Variants in UGT1A7 observed in about 807,000 individuals in gnomAD.
The protein encoded by UGT1A7 is UDP glucuronosyltransferase family 1 member A7, also known as UDP-glucuronosyltransferase 1A7.
Under a neutral mutation model 45.6 loss-of-function variants are expected in UGT1A7, and 33 were observed. That is an observed-to-expected ratio of 0.72 (90% CI 0.55 to 0.97). The LOEUF (loss-of-function observed/expected upper bound fraction) is 0.97, where lower values mean the gene tolerates loss of function less well. UGT1A7 is among the 50% of genes least tolerant of loss of function. The probability of loss-of-function intolerance (pLI) is 0.00; values close to 1 mark genes in which losing one functional copy is unlikely to be tolerated. For missense variants in UGT1A7, 684 were observed against 666.2 expected (o/e 1.03, Z -0.29); for synonymous variants, 274 against 250.6 (o/e 1.09, Z -0.88).
At chr2:233,755,155 T>A (rs921927491) in intron 1 of UGT1A7, 1 of 1,293,270 alleles carries the variant, frequency 7.7e-7, no homozygotes, top group Non-Finnish European at 1.0e-6. Flanking sequence ...GCTTCCTCCC[T>A]GTCCTCGGGG....
In UGT1A7 at chr2:233,682,429, C is replaced by T. The variant is rs560254383; in HGVS notation, c.492C>T (p.Pro164=). 7.7e-5 allele frequency: 125 copies of T among 1,613,912 alleles called. No homozygotes were observed. In the South Asian group the frequency reaches 1.4e-3, roughly 17 times the overall value. ...TTGTTGCCAAATATTTCTCCCTCCC[C>T]TCTGTGGTCTTCGCCAGGGGAATAT... ...GLIVAKYFSL[P]SVVFARGIFC... Residue 164 remains proline, a synonymous_variant, in exon 1 of 5, where the codon CCC becomes CCT. Transcript: ENST00000373426.
intron 1 of UGT1A7, chr2:233,760,610 G>T (rs1389365341): frequency 1.2e-6 from 2 of 1,614,182 alleles, no homozygotes; most frequent in South Asian, 2.2e-5. Flanking sequence ...TTCCTGCAGC[G>T]TGTGATCAAA....
intron 1 of UGT1A7, chr2:233,713,284 A>T: frequency 6.2e-7 from 1 of 1,614,270 alleles, no homozygotes; most frequent in Non-Finnish European, 8.5e-7. Context: ...GGTCACACTC[A>T]ATCGTTCTTT....
chr2:233,690,453 T>C lies in UGT1A7; in HGVS notation c.855+7661T>C, dbSNP rs2074990875. ...CTTTGGGTCTCTCCTCTATTCAAAA[T>C]GCCAGCTATCCTCCATTTACTTTTT... On this transcript the variant is annotated intron_variant, in intron 1 of 4. Transcript: ENST00000373426. 3.1e-6 allele frequency: 4 copies of C among 1,287,960 alleles called. No homozygotes were observed. The South Asian group carries it at 5.0e-5, about 16-fold the overall frequency. 79.8% of individuals were successfully genotyped at this position (1,287,960 alleles called of 1,614,324 possible).
intron 1 of UGT1A7, among the ~76,000 whole-genome samples, chr2:233,687,872 CACTCCAG>C (rs1469681060): frequency 5.9e-5 from 9 of 152,200 alleles, no homozygotes; most frequent in African/African-American, 2.2e-4. Context: ...TATTCCACTC[CACTCCAG>C]CCTGGGTGAT....
chr2:233,762,781 ATCTAC>A (rs1211615114), intron 1 of UGT1A7, among the ~76,000 whole-genome samples: 2 of 150,458 alleles, frequency 1.3e-5, no homozygotes, highest in African/African-American at 4.9e-5. Flanking sequence ...CTAGCTGATT[ATCTAC>A]TCATTACTCA....
intron 1 of UGT1A7, among the ~76,000 whole-genome samples, chr2:233,744,317 G>C (rs1444655221): frequency 6.6e-6 from 1 of 151,846 alleles, no homozygotes; most frequent in East Asian, 1.9e-4. Flanking sequence ...GAAGAGGGTG[G>C]TGGGAGTGAG....
At position 233,767,154 on chromosome 2, in the gene UGT1A7, A is replaced by C. The variant is rs1339405023; in HGVS notation, c.976A>C (p.Ile326Leu). ...AMAIADALGK[I>L]PQTVLWRYTG... Reference sequence around the variant, plus strand: ...GGCAATTGCTGATGCTTTGGGCAAAATCCCTCAGACAGTAAGAAGATTCTA... The same window carrying C: ...GGCAATTGCTGATGCTTTGGGCAAACTCCCTCAGACAGTAAGAAGATTCTA... Residue 326 changes from isoleucine (I) to leucine (L), a missense_variant, in exon 2 of 5, where the codon ATC (isoleucine) becomes CTC (leucine). Physicochemically the swap from Ile to Leu is conservative, Grantham distance 5 (BLOSUM62 2). Transcript: ENST00000373426. 1.9e-5 allele frequency: 31 copies of C among 1,614,082 alleles called. No homozygotes were observed. The highest frequency in any genetic ancestry group is 2.6e-5 in the Non-Finnish European group (31 of 1,180,002).
At position 233,759,527 on chromosome 2, in the gene UGT1A7, C is replaced by T. The variant is rs146278701; in HGVS notation, c.856-7507C>T. Among the ~76,000 whole-genome samples the T allele has an allele frequency of 6.8e-3, 1,028 of 152,228 alleles. 8 individuals are homozygous for T. Among genetic ancestry groups the T allele is most frequent in the Non-Finnish European group, 8.6e-3 (582 of 68,014 alleles). On this transcript the variant is annotated intron_variant, in intron 1 of 4. Coordinates refer to ENST00000373426, the MANE Select transcript of UGT1A7 (RefSeq NM_019077.3). Reference sequence around the variant, plus strand: ...AATAAAGGCCTGTCCTTGGGGAAGACTTCTGTTCACATGCGCTCCAGTGAA... The same window carrying T: ...AATAAAGGCCTGTCCTTGGGGAAGATTTCTGTTCACATGCGCTCCAGTGAA...
intron 1 of UGT1A7, chr2:233,747,230 A>AGGTTCCCCT: frequency 6.2e-7 from 1 of 1,605,032 alleles, no homozygotes; most frequent in South Asian, 1.1e-5. Context: ...ACAGGACCCC[A>AGGTTCCCCT]GGTTCCCCTG....
rs181001855 is a variant in UGT1A7, at chr2:233,700,720, A to T, written c.855+17928A>T. Among the ~76,000 whole-genome samples, 157 of 151,936 alleles carry T rather than the reference A, an allele frequency of 1.0e-3. 1 individual carries two copies. Among genetic ancestry groups the T allele is most frequent in the African/African-American group, 3.4e-3 (142 of 41,440 alleles). On this transcript the variant is annotated intron_variant, in intron 1 of 4. Transcript: ENST00000373426. ...ACTTTGAATGTTTTTTTCTTTTTTT[A>T]AAAATTTTATTATTATTATACTTTA...
chr2:233,692,800 C>T (rs2075115149), intron 1 of UGT1A7: 2 of 1,393,480 alleles, frequency 1.4e-6, no homozygotes, highest in African/African-American at 2.9e-5. Flanking sequence ...GCTGACACGG[C>T]CATAGTTGGT....
At chr2:233,702,817 T>C (rs933179108) in intron 1 of UGT1A7, among the ~76,000 whole-genome samples, 1 of 152,218 alleles carries the variant, frequency 6.6e-6, no homozygotes, top group Non-Finnish European at 1.5e-5. Context: ...TCCCACTTGA[T>C]TGTGTTGTAT....
intron 1 of UGT1A7, chr2:233,748,014 C>G: frequency 6.2e-7 from 1 of 1,613,488 alleles, no homozygotes; most frequent in Non-Finnish European, 8.5e-7. Flanking sequence ...TTACCCCAGG[C>G]CGATCATGCC....
intron 1 of UGT1A7, chr2:233,760,840 C>T: frequency 6.2e-7 from 1 of 1,613,860 alleles, no homozygotes; most frequent in Non-Finnish European, 8.5e-7. Context: ...TGAGGCTACC[C>T]AGTGCCCCAA....
chr2:233,752,243 C>G (rs777804991), intron 1 of UGT1A7: 1 of 152,156 alleles, frequency 6.6e-6, no homozygotes, highest in Non-Finnish European at 1.5e-5. Context: ...TTTTTGGACC[C>G]TACTGTGATG....
At chr2:233,690,650 T>C (rs45615240) in intron 1 of UGT1A7, 519,472 of 1,284,986 alleles carry the variant, frequency 0.4, 106,277 homozygotes, top group South Asian at 0.45. Context: ...CCTTGACTCC[T>C]ACAGCACCAA....
At chr2:233,741,204 T>C (rs1691587952) in intron 1 of UGT1A7, among the ~76,000 whole-genome samples, 1 of 151,922 alleles carries the variant, frequency 6.6e-6, no homozygotes, top group Admixed American at 6.5e-5. Flanking sequence ...CTGTTAAAAC[T>C]AGCCAGAGTT....
At position 233,682,359 on chromosome 2, in the gene UGT1A7, G is replaced by C. The variant is rs72551332; in HGVS notation, c.422G>C (p.Cys141Ser). 2.6e-4 allele frequency: 418 copies of C among 1,614,054 alleles called. No homozygotes were observed. Among genetic ancestry groups the C allele is most frequent in the Middle Eastern group, 1.2e-3 (7 of 6,056 alleles). ...RKLVEYLKES[C>S]FDAVFLDPFD... Reference sequence around the variant, plus strand: ...TTAGTAGAATACTTAAAGGAGAGTTGTTTTGATGCAGTGTTTCTCGATCCT... The same window carrying C: ...TTAGTAGAATACTTAAAGGAGAGTTCTTTTGATGCAGTGTTTCTCGATCCT... The change falls in exon 1 of 5, where the codon TGT becomes TCT. Residue 141 changes from cysteine to serine, a missense_variant. By Grantham distance (112) the Cys-to-Ser change is moderately radical. Coordinates refer to ENST00000373426, the MANE Select transcript of UGT1A7 (RefSeq NM_019077.3).
Sources: gnomAD v4.1 joint callset for allele counts (sites outside exome capture counted in the v4.1 genomes callset) on GRCh38, gnomAD v4.1.1 for gene constraint, MANE v1.5 for transcripts, NCBI Gene and HGNC (gene_info 2026-07-23, HGNC 2026-07-21) for gene names.